Variants in MDFIC2 observed in about 807,000 individuals in gnomAD.
MDFIC2 encodes the protein MyoD family inhibitor domain containing 2, also known as myoD family inhibitor domain-containing protein 2.
rs1341305803 is a variant in MDFIC2 at position 70,195,195 on chromosome 3, C to T, written c.*1731G>A. 6.6e-6 allele frequency among the ~76,000 whole-genome samples: 1 copy of T among 152,172 alleles called. No individual in the cohort carries two copies. The highest frequency in any genetic ancestry group is 2.4e-5 in the African/African-American group (1 of 41,434). Reference sequence around the variant, plus strand: ...TTGCATAAGAACAGCCTTATGTTCCCTTCCTGTTCTAGGAATCTATTTTTT... The same window carrying T: ...TTGCATAAGAACAGCCTTATGTTCCTTTCCTGTTCTAGGAATCTATTTTTT... On this transcript the variant is annotated 3_prime_UTR_variant, in exon 4 of 4. Transcript: ENST00000567252.
intron 2 of MDFIC2, among the ~76,000 whole-genome samples, chr3:70,214,240 G>A (rs951188860): frequency 1.3e-5 from 2 of 152,074 alleles, no homozygotes; most frequent in Non-Finnish European, 2.9e-5. Flanking sequence ...TCAAATGGCA[G>A]CTCTGGTTGG....
chr3:70,305,659 G>A (rs1008890445), intron 2 of MDFIC2, among the ~76,000 whole-genome samples: 1 of 152,052 alleles, frequency 6.6e-6, no homozygotes, highest in African/African-American at 2.4e-5. Context: ...TTGCTGAGTT[G>A]AACAAAATGC....
chr3:70,247,894 T>G (rs1246216508), intron 2 of MDFIC2, among the ~76,000 whole-genome samples: 1 of 152,080 alleles, frequency 6.6e-6, no homozygotes, highest in East Asian at 1.9e-4. Flanking sequence ...TTTTATAAGT[T>G]TCTGTTTTCT....
intron 2 of MDFIC2, chr3:70,291,306 A>G (rs916234805): frequency 6.6e-6 from 1 of 152,034 alleles, no homozygotes; most frequent in Non-Finnish European, 1.5e-5. Flanking sequence ...AATAGCAGCC[A>G]ACTCATTTTT....
intron 2 of MDFIC2, among the ~76,000 whole-genome samples, chr3:70,282,836 T>C (rs1702102403): frequency 6.6e-6 from 1 of 152,162 alleles, no homozygotes; most frequent in African/African-American, 2.4e-5. Context: ...AGGATGACCA[T>C]AGCAGTGCCT....
chr3:70,257,134 G>A (rs1208638248), intron 2 of MDFIC2, among the ~76,000 whole-genome samples: 1 of 152,184 alleles, frequency 6.6e-6, no homozygotes, highest in East Asian at 1.9e-4. Flanking sequence ...TCTAGAAAAT[G>A]ATTTGATAAT....
At chr3:70,231,764 G>A (rs1261054539) in intron 2 of MDFIC2, among the ~76,000 whole-genome samples, 1 of 152,112 alleles carries the variant, frequency 6.6e-6, no homozygotes, top group Non-Finnish European at 1.5e-5. Flanking sequence ...CCAGTCCCAC[G>A]ACTGCCCCCT....
intron 2 of MDFIC2, among the ~76,000 whole-genome samples, chr3:70,254,919 T>A (rs1217905192): frequency 6.6e-6 from 1 of 152,184 alleles, no homozygotes; most frequent in East Asian, 1.9e-4. Context: ...ACTGTAACAT[T>A]CCTCTGTAAT....
At chr3:70,226,323 A>T (rs1701506731) in intron 2 of MDFIC2, among the ~76,000 whole-genome samples, 1 of 152,300 alleles carries the variant, frequency 6.6e-6, no homozygotes. Context: ...ATAGCATGTG[A>T]TGAGACGTAT....
At chr3:70,260,492 A>G (rs908702228) in intron 2 of MDFIC2, among the ~76,000 whole-genome samples, 2 of 152,090 alleles carry the variant, frequency 1.3e-5, no homozygotes, top group Admixed American at 6.6e-5. Flanking sequence ...TAACAGCCCC[A>G]TTCCCTATCA....
intron 2 of MDFIC2, among the ~76,000 whole-genome samples, chr3:70,217,225 A>G (rs1047692222): frequency 1.3e-5 from 2 of 152,132 alleles, no homozygotes; most frequent in African/African-American, 4.8e-5. Flanking sequence ...AATGCTTAGC[A>G]TTTCTTACAT....
At chr3:70,245,679 A>G (rs1438047142) in intron 2 of MDFIC2, among the ~76,000 whole-genome samples, 3 of 115,974 alleles carry the variant, frequency 2.6e-5, no homozygotes, top group East Asian at 4.9e-4. Context: ...CTTTATATAT[A>G]TATATATATA....
At chr3:70,206,064 A>T (rs558723416) in intron 3 of MDFIC2, 1 of 152,020 alleles carries the variant, frequency 6.6e-6, no homozygotes, top group Non-Finnish European at 1.5e-5. Flanking sequence ...ACTGATCAGG[A>T]TGCCTATGGA....
intron 3 of MDFIC2, among the ~76,000 whole-genome samples, chr3:70,199,769 G>A (rs1213247836): frequency 1.3e-5 from 2 of 152,046 alleles, no homozygotes; most frequent in Non-Finnish European, 2.9e-5. Flanking sequence ...ACTATTTCCT[G>A]GTGCTTTAAT....
chr3:70,277,999 A>T (rs1308386691), intron 2 of MDFIC2, among the ~76,000 whole-genome samples: 1 of 152,146 alleles, frequency 6.6e-6, no homozygotes, highest in Non-Finnish European at 1.5e-5. Context: ...TCTTAAGTAT[A>T]TACATTGATC....
At position 70,219,086 on chromosome 3, in the gene MDFIC2, C is replaced by T. The variant is rs547418418; in HGVS notation, c.89-12296G>A. On this transcript the variant is annotated intron_variant, in intron 2 of 3. Transcript: ENST00000567252. ...AAATTATTTCTAAACACCAAATAGT[C>T]ATTATAGTCAAGGCTTTCAAGTTTA... Among the ~76,000 whole-genome samples the T allele has an allele frequency of 2.6e-5, 4 of 152,214 alleles. No homozygotes were observed. The East Asian group carries it at 7.7e-4, about 29-fold the overall frequency.
At chr3:70,284,132 T>G (rs1354151482) in intron 2 of MDFIC2, among the ~76,000 whole-genome samples, 1 of 152,184 alleles carries the variant, frequency 6.6e-6, no homozygotes, top group African/African-American at 2.4e-5. Context: ...ACGTTCTAGT[T>G]AAAATTTCAT....
chr3:70,209,557 C>T (rs1314109811), intron 2 of MDFIC2, among the ~76,000 whole-genome samples: 1 of 152,024 alleles, frequency 6.6e-6, no homozygotes, highest in African/African-American at 2.4e-5. Context: ...TGAAGGTAAC[C>T]AAGGCTTACA....
chr3:70,262,223 G>A (rs1453113900), intron 2 of MDFIC2, among the ~76,000 whole-genome samples: 6 of 152,146 alleles, frequency 3.9e-5, no homozygotes, highest in African/African-American at 1.2e-4. Flanking sequence ...GGATGAAAAT[G>A]CATGAATAAT....
Sources: allele counts gnomAD v4.1 joint callset (sites outside exome capture counted in the v4.1 genomes callset), GRCh38; gene constraint gnomAD v4.1.1; transcripts MANE v1.5; gene names NCBI Gene and HGNC (gene_info 2026-07-23, HGNC 2026-07-21).